The following SEL1L2 variants were observed in gnomAD, a reference collection of about 807,000 sequenced individuals.
SEL1L2 encodes protein sel-1 homolog 2.
Under a neutral mutation model 98.8 loss-of-function variants are expected in SEL1L2, and 89 were observed. The ratio of observed to expected loss-of-function variants is 0.90; its 90% CI spans 0.76 to 1.07. SEL1L2 has a LOEUF of 1.07. Ranked by LOEUF, SEL1L2 falls within the 50% of genes least tolerant of loss-of-function variation. The pLI is 0.00. For missense variants in SEL1L2, 788 were observed against 812.0 expected (o/e 0.97, Z 0.36); for synonymous variants, 262 against 278.5 (o/e 0.94, Z 0.59).
chr20:13,910,324 A>G (rs1273942528), intron 5 of SEL1L2, among the ~76,000 whole-genome samples: 1 of 152,192 alleles, frequency 6.6e-6, no homozygotes, highest in African/African-American at 2.4e-5. Flanking sequence ...GATATTTTTC[A>G]GTTCTTATGG....
chr20:13,938,334 C>T (rs1470806086), intron 2 of SEL1L2, among the ~76,000 whole-genome samples: 1 of 152,144 alleles, frequency 6.6e-6, no homozygotes, highest in African/African-American at 2.4e-5. Context: ...CCACCTCGGC[C>T]TCCCAAAGTG....
In SEL1L2 at chr20:13,984,720, C is replaced by T. The variant is rs7272088; in HGVS notation, c.58+5757G>A. Among the ~76,000 whole-genome samples the T allele has an allele frequency of 7.9e-3, 1,204 of 151,648 alleles. 19 individuals carry two copies. The highest frequency in any genetic ancestry group is 0.027 in the African/African-American group (1,114 of 41,354). On this transcript the variant is annotated intron_variant, in intron 1 of 19. Transcript: ENST00000284951. Reference sequence around the variant, plus strand: ...CATCACCCTCCTCTCCTCTTCTTTCCTTTTTTCTTTCTTTTTTGCTAAAGG... The same window carrying T: ...CATCACCCTCCTCTCCTCTTCTTTCTTTTTTTCTTTCTTTTTTGCTAAAGG...
chr20:13,959,246 G>T (rs6042456), intron 1 of SEL1L2, among the ~76,000 whole-genome samples: 118,489 of 151,942 alleles, frequency 0.78, 46,804 homozygotes, highest in South Asian at 0.84. Flanking sequence ...CAACGAAAAG[G>T]GGATTTTATA....
At chr20:13,966,257 A>G (rs1476121570) in intron 1 of SEL1L2, among the ~76,000 whole-genome samples, 1 of 152,034 alleles carries the variant, frequency 6.6e-6, no homozygotes, top group Non-Finnish European at 1.5e-5. Flanking sequence ...GACATCATCA[A>G]TTGGTGTTTG....
At chr20:13,884,504 AT>A (rs201092813) in intron 10 of SEL1L2, among the ~76,000 whole-genome samples, 22 of 146,936 alleles carry the variant, frequency 1.5e-4, no homozygotes, top group African/African-American at 4.3e-4. Flanking sequence ...TAACTTATTT[AT>A]TTTTTTTATT....
At chr20:13,907,734 CTTTCTT>C (rs1555880112) in intron 5 of SEL1L2, among the ~76,000 whole-genome samples, 2 of 109,456 alleles carry the variant, frequency 1.8e-5, no homozygotes, top group South Asian at 5.5e-4. Flanking sequence ...TTCTTTCTTT[CTTTCTT>C]TCTTTCTTTT....
At position 13,865,512 on chromosome 20, in the gene SEL1L2, A is replaced by C; in HGVS notation, c.1407T>G (p.Leu469=). The C allele has an allele frequency of 6.2e-7, 1 of 1,613,356 alleles. No homozygotes were observed. Among genetic ancestry groups the C allele is most frequent in the Non-Finnish European group, 8.5e-7 (1 of 1,179,666 alleles). Residue 469 remains leucine (L), a splice_region_variant and synonymous_variant, in exon 16 of 20, where the codon CTT becomes CTG. Transcript: ENST00000284951. ...VVRSCRTAVE[L]YKGVCELGHW... ...GGCCTAGTTCACAGACACCTTTATA[A>C]AGCTGTACATGAGAGGAGAAATCAA...
intron 18 of SEL1L2, chr20:13,851,248 A>T (rs1447475385): frequency 6.6e-6 from 1 of 152,102 alleles, no homozygotes; most frequent in African/African-American, 2.4e-5. Flanking sequence ...AAAATTGTAC[A>T]GTTCTCTAAA....
chr20:13,876,402 CTCTCTT>C (rs1489031405), intron 11 of SEL1L2, among the ~76,000 whole-genome samples: 94 of 124,594 alleles, frequency 7.5e-4, no homozygotes, highest in African/African-American at 2.1e-3. Context: ...CTCTCTCTCT[CTCTCTT>C]TTTTTTTTTT....
intron 5 of SEL1L2, among the ~76,000 whole-genome samples, chr20:13,904,899 G>A (rs1320910609): frequency 6.6e-6 from 1 of 152,162 alleles, no homozygotes; most frequent in East Asian, 1.9e-4. Context: ...TGTATTTTAA[G>A]AAACTTTCAC....
chr20:13,956,004 T>C, intron 2 of SEL1L2, 72 bp downstream of exon 2: 1 of 775,738 alleles, frequency 1.3e-6, no homozygotes, highest in South Asian at 1.5e-5. Context: ...TAATTCTGAG[T>C]ATCCTGAAAA....
At chr20:13,858,022 A>G (rs1989436549) in intron 18 of SEL1L2, among the ~76,000 whole-genome samples, 1 of 152,128 alleles carries the variant, frequency 6.6e-6, no homozygotes, top group African/African-American at 2.4e-5. Flanking sequence ...GGAAGCTTAC[A>G]CTGCTAGAAA....
At chr20:13,882,812 C>CTTTTTTTTTTTTTT (rs759286946) in intron 10 of SEL1L2, among the ~76,000 whole-genome samples, 1 of 107,246 alleles carries the variant, frequency 9.3e-6, no homozygotes, top group Non-Finnish European at 1.8e-5. Flanking sequence ...GTCAATTTGT[C>CTTTTTTTTTTTTTT]TTTTTTTTTT....
intron 2 of SEL1L2, among the ~76,000 whole-genome samples, chr20:13,932,638 C>T (rs1360428288): frequency 6.6e-6 from 1 of 151,998 alleles, no homozygotes; most frequent in African/African-American, 2.4e-5. Context: ...ACCATGTTGA[C>T]CAGGCTGTTC....
intron 1 of SEL1L2, among the ~76,000 whole-genome samples, chr20:13,986,839 T>C (rs180952404): frequency 4.7e-4 from 72 of 152,298 alleles, no homozygotes; most frequent in African/African-American, 1.6e-3. Flanking sequence ...CTCCATTACT[T>C]TTTATTTTTT....
chr20:13,890,069 G>C (rs192874253), intron 5 of SEL1L2, among the ~76,000 whole-genome samples: 7 of 152,174 alleles, frequency 4.6e-5, no homozygotes, highest in Non-Finnish European at 1.0e-4. Context: ...GCCAAGAATA[G>C]TCCGTGAAAC....
At chr20:13,912,292 ATT>A (rs11478603) in intron 5 of SEL1L2, among the ~76,000 whole-genome samples, 1,701 of 111,234 alleles carry the variant, frequency 0.015, 16 homozygotes, top group African/African-American at 0.053. Flanking sequence ...TTTCTGTGGG[ATT>A]TTTTTTTTTT....
chr20:13,886,137 G>C (rs2046942962), intron 9 of SEL1L2, 151 bp downstream of exon 9: 1 of 455,764 alleles, frequency 2.2e-6, no homozygotes, highest in Non-Finnish European at 3.8e-6. Flanking sequence ...AAGTAGCAGG[G>C]AACAAAACAG....
At chr20:13,890,402 A>C (rs1159359305) in intron 5 of SEL1L2, among the ~76,000 whole-genome samples, 2 of 152,188 alleles carry the variant, frequency 1.3e-5, no homozygotes, top group Non-Finnish European at 2.9e-5. Context: ...AAGAAAAAAA[A>C]AAACTGGCAA....
Sources: gnomAD v4.1 joint callset for allele counts (sites outside exome capture counted in the v4.1 genomes callset) on GRCh38, gnomAD v4.1.1 for gene constraint, MANE v1.5 for transcripts, NCBI Gene and HGNC (gene_info 2026-07-23, HGNC 2026-07-21) for gene names.